The following ACSM3 variants were observed in gnomAD, a reference collection of about 807,000 sequenced individuals.
The protein encoded by ACSM3 is acyl-coenzyme A synthetase ACSM3, mitochondrial.
In ACSM3, 61 loss-of-function variants were observed where a neutral mutation model predicts 74.1. That is an observed-to-expected ratio of 0.82 (90% CI 0.67 to 1.02). The LOEUF (loss-of-function observed/expected upper bound fraction) is 1.02, where lower values mean the gene tolerates loss of function less well. ACSM3 is among the 50% of genes least tolerant of loss of function. The pLI is 0.00. For synonymous variants in ACSM3, 213 were observed against 241.5 expected (o/e 0.88, Z 1.09); for missense variants, 660 against 697.0 (o/e 0.95, Z 0.60).
At chr16:20,718,266 G>A (rs1567323411) in intron 1 of ACSM3, 2 of 308,554 alleles carry the variant, frequency 6.5e-6, no homozygotes, top group African/African-American at 4.4e-5. Flanking sequence ...GTAACAAGAG[G>A]GCATAAGTAG....
chr16:20,796,271 C>A, intron 12 of ACSM3, 99 bp from the exon 13 acceptor site: 2 of 1,516,662 alleles, frequency 1.3e-6, no homozygotes, highest in Non-Finnish European at 1.8e-6. Flanking sequence ...CACTGGCCCA[C>A]CCCACCAGGC....
intron 4 of ACSM3, among the ~76,000 whole-genome samples, chr16:20,779,550 T>C (rs768366276): frequency 9.9e-5 from 15 of 152,110 alleles, no homozygotes; most frequent in Admixed American, 2.6e-4. Context: ...TCTGTGTGCA[T>C]CTTAGACACT....
chr16:20,772,833 G>T (rs2152457602), intron 2 of ACSM3, among the ~76,000 whole-genome samples: 1 of 152,158 alleles, frequency 6.6e-6, no homozygotes, highest in African/African-American at 2.4e-5. Context: ...CGGGCATGGT[G>T]GTGCATGCCT....
chr16:20,737,387 C>G, intron 1 of ACSM3: 6 of 1,186,908 alleles, frequency 5.1e-6, no homozygotes, highest in Middle Eastern at 2.1e-4. Context: ...ACAAGACATA[C>G]AGTAATCCAC....
chr16:20,741,594 G>A, intron 1 of ACSM3: 1 of 1,576,198 alleles, frequency 6.3e-7, no homozygotes, highest in Non-Finnish European at 8.6e-7. Context: ...CATATTGCAG[G>A]TGATGAGGAT....
chr16:20,721,381 T>C (rs1253364988), intron 1 of ACSM3: 1 of 152,284 alleles, frequency 6.6e-6, no homozygotes, highest in Non-Finnish European at 1.5e-5. Context: ...GAGAATGCTA[T>C]GATTTTTTTT....
intron 1 of ACSM3, among the ~76,000 whole-genome samples, chr16:20,693,843 G>C (rs187238414): frequency 3.3e-4 from 51 of 152,262 alleles, no homozygotes; most frequent in African/African-American, 1.2e-3. Flanking sequence ...TTTTAATATT[G>C]TAAAAAGTAA....
rs376059594 is a variant in ACSM3 at position 20,741,588 on chromosome 16, T to C, written c.-189-8322T>C. On this transcript the variant is annotated intron_variant, in intron 1 of 3. Transcript: ENST00000561584. ...CTCCACGCACTTGCGCTCGTTCATA[T>C]TGCAGGTGATGAGGATGCCCTGTAG... 3.8e-6 allele frequency: 6 copies of C among 1,572,284 alleles called. No individual in the cohort carries two copies. In the African/African-American group the frequency reaches 4.1e-5, roughly 11 times the overall value.
chr16:20,787,305 G>T (rs971493930), intron 9 of ACSM3, among the ~76,000 whole-genome samples: 63 of 152,276 alleles, frequency 4.1e-4, no homozygotes, highest in African/African-American at 1.3e-3. Context: ...CAACTGAATG[G>T]TTATCTTTTT....
chr16:20,721,089 T>C (rs1293397299), intron 1 of ACSM3: 1 of 152,254 alleles, frequency 6.6e-6, no homozygotes, highest in African/African-American at 2.4e-5. Flanking sequence ...ACAATGTGTT[T>C]GCAGCTTTGA....
chr16:20,792,413 C>T, intron 12 of ACSM3, 78 bp downstream of exon 12: 1 of 1,578,060 alleles, frequency 6.3e-7, no homozygotes, highest in East Asian at 2.2e-5. Context: ...CTCAGTGAAA[C>T]AGAATTAACC....
chr16:20,789,688 T>C (rs531053051), intron 9 of ACSM3: 42 of 532,022 alleles, frequency 7.9e-5, no homozygotes, highest in Middle Eastern at 5.3e-4. Flanking sequence ...ATTTTTCTTT[T>C]TTTTTTTTTT....
chr16:20,765,892 C>T (rs939935147), intron 1 of ACSM3, among the ~76,000 whole-genome samples: 1 of 152,190 alleles, frequency 6.6e-6, no homozygotes, highest in Non-Finnish European at 1.5e-5. Context: ...CCTTTTCTCC[C>T]ATTACTCTCT....
intron 1 of ACSM3, chr16:20,699,013 G>A (rs1010056135): frequency 7.2e-5 from 11 of 152,182 alleles, no homozygotes; most frequent in Admixed American, 1.3e-4. Context: ...AAAATGCAGG[G>A]TCTTTGGAAT....
rs1489375441 is a variant in ACSM3, at chr16:20,702,146, T to A, written c.-190+27324T>A. 2.0e-5 allele frequency among the ~76,000 whole-genome samples: 3 copies of A among 152,366 alleles called. No individual in the cohort carries two copies. In the East Asian group the frequency reaches 5.8e-4, roughly 29 times the overall value. Reference sequence around the variant, plus strand: ...GTCTTCCACAATAACTGAACTAATTTACACTCCCACCAACAGTGTAGAAGT... The same window carrying A: ...GTCTTCCACAATAACTGAACTAATTAACACTCCCACCAACAGTGTAGAAGT... On this transcript the variant is annotated intron_variant, in intron 1 of 3. Transcript: ENST00000561584.
At chr16:20,707,305 C>G (rs2079730724) in intron 1 of ACSM3, among the ~76,000 whole-genome samples, 1 of 152,176 alleles carries the variant, frequency 6.6e-6, no homozygotes, top group Non-Finnish European at 1.5e-5. Context: ...AGAGATAGGC[C>G]TGAATATTTC....
chr16:20,762,574 G>C (rs1235158249), upstream of ACSM3, among the ~76,000 whole-genome samples: 3 of 152,086 alleles, frequency 2.0e-5, no homozygotes, highest in Non-Finnish European at 4.4e-5. Flanking sequence ...TATACAACAG[G>C]ACCAAGCAAG....
chr16:20,760,150 C>G (rs1263855912), upstream of ACSM3, among the ~76,000 whole-genome samples: 1 of 152,132 alleles, frequency 6.6e-6, no homozygotes, highest in East Asian at 1.9e-4. Flanking sequence ...TAAAATGACT[C>G]TAGTACAGCA....
intron 1 of ACSM3, among the ~76,000 whole-genome samples, chr16:20,765,221 C>T (rs2152449511): frequency 6.6e-6 from 1 of 152,278 alleles, no homozygotes; most frequent in Admixed American, 6.5e-5. Flanking sequence ...AATCTGGAGT[C>T]ACCCTGGGAA....
Sources: allele counts gnomAD v4.1 joint callset (sites outside exome capture counted in the v4.1 genomes callset), GRCh38; gene constraint gnomAD v4.1.1; transcripts MANE v1.5; gene names NCBI Gene and HGNC (gene_info 2026-07-23, HGNC 2026-07-21).